CCDC148: variants seen among roughly 807,000 people sequenced by gnomAD.
CCDC148 encodes coiled-coil domain-containing protein 148.
A neutral mutation model predicts 85.7 loss-of-function variants in CCDC148; 89 were observed. The ratio of observed to expected loss-of-function variants is 1.04; its 90% confidence interval spans 0.87 to 1.24. CCDC148 has a LOEUF of 1.24. CCDC148 is among the 50% of genes most tolerant of loss of function. CCDC148 has a pLI of 0.00. For missense variants in CCDC148, 692 were observed against 671.7 expected (o/e 1.03, Z -0.33); for synonymous variants, 230 against 213.9 (o/e 1.08, Z -0.66).
intron 2 of CCDC148, among the ~76,000 whole-genome samples, chr2:158,351,210 A>G (rs1409938273): frequency 6.6e-6 from 1 of 152,192 alleles, no homozygotes; most frequent in Non-Finnish European, 1.5e-5. Context: ...TAAACTTCAT[A>G]AAGGTAAGGG....
At position 158,331,314 on chromosome 2, in the gene CCDC148, G is replaced by T. The variant is rs567846104; in HGVS notation, c.764+7412C>A. 1.1e-4 allele frequency among the ~76,000 whole-genome samples: 16 copies of T among 152,320 alleles called. No homozygotes were observed. The South Asian group carries it at 3.3e-3, about 32-fold the overall frequency. ...TGTTCAGTTTCCATGTAGTTGAGCA[G>T]TTTTGAGTGAGTTTCTTAATCCTGA... On this transcript the variant is annotated intron_variant, in intron 7 of 13. Transcript: ENST00000283233.
At chr2:158,417,445 C>A (rs562079328) in intron 1 of CCDC148, among the ~76,000 whole-genome samples, 1 of 152,190 alleles carries the variant, frequency 6.6e-6, no homozygotes, top group Non-Finnish European at 1.5e-5. Flanking sequence ...CTTCTTGGAG[C>A]CAACAAATAA....
Position 158,396,051 on chromosome 2 carries a change from TTATTG to T in CCDC148, c.26-37486_26-37482del, listed in dbSNP as rs201535375. On this transcript the variant is annotated intron_variant, in intron 1 of 13. Transcript: ENST00000283233. ...TGGCCAATACGGAAGATTATATCTC[TTATTG>T]TATTGTGTCATCACTCATTGACATG... Among the ~76,000 whole-genome samples, 41 of 152,240 alleles carry T rather than the reference TTATTG, an allele frequency of 2.7e-4. No individual in the cohort carries two copies. In the East Asian group the frequency reaches 7.4e-3, roughly 27 times the overall value.
intron 11 of CCDC148, among the ~76,000 whole-genome samples, chr2:158,190,395 A>G (rs1323928508): frequency 1.3e-5 from 2 of 152,038 alleles, no homozygotes; most frequent in Admixed American, 1.3e-4. Context: ...AGTGCCATAT[A>G]TGTAAATGTA....
chr2:158,449,918 A>G (rs1381673789), intron 1 of CCDC148, among the ~76,000 whole-genome samples: 1 of 152,006 alleles, frequency 6.6e-6, no homozygotes, highest in Non-Finnish European at 1.5e-5. Context: ...TATTCTTAGT[A>G]TGTTGAGCAT....
At chr2:158,336,444 T>C (rs949416747) in intron 7 of CCDC148, among the ~76,000 whole-genome samples, 1 of 152,176 alleles carries the variant, frequency 6.6e-6, no homozygotes, top group African/African-American at 2.4e-5. Flanking sequence ...TTGGTTAGGG[T>C]ACATGTATAT....
chr2:158,372,382 T>G (rs547750864), intron 1 of CCDC148, among the ~76,000 whole-genome samples: 2 of 152,024 alleles, frequency 1.3e-5, no homozygotes, highest in Admixed American at 1.3e-4. Flanking sequence ...AGAAATACTG[T>G]TTTGCCTCTA....
chr2:158,391,310 A>G (rs905494530), intron 1 of CCDC148, among the ~76,000 whole-genome samples: 4 of 152,166 alleles, frequency 2.6e-5, no homozygotes, highest in Non-Finnish European at 5.9e-5. Flanking sequence ...ATTTAATTAA[A>G]AGGTCAATAT....
chr2:158,331,790 T>C (rs1693142464), intron 7 of CCDC148, among the ~76,000 whole-genome samples: 1 of 152,198 alleles, frequency 6.6e-6, no homozygotes, highest in South Asian at 2.1e-4. Context: ...TGATCTTTGT[T>C]GGTTTAAAGT....
intron 1 of CCDC148, among the ~76,000 whole-genome samples, chr2:158,393,658 G>T (rs921907172): frequency 6.6e-6 from 1 of 152,114 alleles, no homozygotes; most frequent in Non-Finnish European, 1.5e-5. Context: ...CTGATGCCAA[G>T]AACACCGATG....
At chr2:158,295,509 C>G (rs1011385700) in intron 9 of CCDC148, among the ~76,000 whole-genome samples, 3 of 149,208 alleles carry the variant, frequency 2.0e-5, no homozygotes, top group South Asian at 2.2e-4. Context: ...AGCAGCACAT[C>G]AAAAAGCTTA....
intron 9 of CCDC148, among the ~76,000 whole-genome samples, chr2:158,269,934 T>C (rs1559031385): frequency 6.6e-6 from 1 of 152,180 alleles, no homozygotes; most frequent in East Asian, 1.9e-4. Flanking sequence ...AAAGGGAAGT[T>C]AACAACAGAA....
At chr2:158,328,350 T>A (rs1692900191) in intron 7 of CCDC148, among the ~76,000 whole-genome samples, 1 of 152,204 alleles carries the variant, frequency 6.6e-6, no homozygotes, top group Admixed American at 6.5e-5. Flanking sequence ...AACTCATCAT[T>A]TTTTATGGCT....
intron 1 of CCDC148, among the ~76,000 whole-genome samples, chr2:158,419,673 A>T (rs774121236): frequency 1.3e-5 from 2 of 152,208 alleles, no homozygotes; most frequent in Non-Finnish European, 2.9e-5. Context: ...GCTAAGCCAA[A>T]CAAGAAAAAT....
At chr2:158,381,788 A>C (rs1251650280) in intron 1 of CCDC148, among the ~76,000 whole-genome samples, 3 of 152,034 alleles carry the variant, frequency 2.0e-5, no homozygotes, top group Non-Finnish European at 4.4e-5. Flanking sequence ...AGAAAGCTGA[A>C]GTGGGAGGAT....
At chr2:158,328,840 C>T (rs898002522) in intron 7 of CCDC148, among the ~76,000 whole-genome samples, 5 of 152,100 alleles carry the variant, frequency 3.3e-5, no homozygotes, top group African/African-American at 1.2e-4. Context: ...TCATATCCTT[C>T]ACCCACTTTT....
At chr2:158,326,398 A>G (rs932065929) in intron 7 of CCDC148, among the ~76,000 whole-genome samples, 1 of 152,042 alleles carries the variant, frequency 6.6e-6, no homozygotes, top group Non-Finnish European at 1.5e-5. Flanking sequence ...ACCTTCTAAC[A>G]CTACTGTGTA....
chr2:158,352,593 C>T lies in CCDC148; in HGVS notation c.147+5856G>A, dbSNP rs1246199699. Reference sequence around the variant, plus strand: ...GGACTATGTGAAAAGACCAAATCTACGTCTGATTGGTGTACCTGAAAGTGA... The same window carrying T: ...GGACTATGTGAAAAGACCAAATCTATGTCTGATTGGTGTACCTGAAAGTGA... On this transcript the variant is annotated intron_variant, in intron 2 of 13. Coordinates refer to ENST00000283233, the MANE Select transcript of CCDC148 (RefSeq NM_138803.4). 9.2e-5 allele frequency among the ~76,000 whole-genome samples: 14 copies of T among 152,206 alleles called. No individual in the cohort carries two copies. In the South Asian group the frequency reaches 2.1e-3, roughly 23 times the overall value.
chr2:158,417,853 C>A (rs1477203662), intron 1 of CCDC148, among the ~76,000 whole-genome samples: 1 of 152,138 alleles, frequency 6.6e-6, no homozygotes, highest in East Asian at 1.9e-4. Context: ...ATAAAGACAT[C>A]AGGTTAAGAA....
Sources: gnomAD v4.1 joint callset for allele counts (sites outside exome capture counted in the v4.1 genomes callset) on GRCh38, gnomAD v4.1.1 for gene constraint, MANE v1.5 for transcripts, NCBI Gene and HGNC (gene_info 2026-07-23, HGNC 2026-07-21) for gene names.